The following MYOM1 variants were observed in gnomAD, a reference collection of about 807,000 sequenced individuals.
MYOM1 encodes myomesin 1, also known as myomesin-1.
MYOM1 carries 164 observed loss-of-function variants against 205.3 expected under a neutral mutation model. The ratio of observed to expected loss-of-function variants is 0.80; its 90% CI spans 0.70 to 0.91. The LOEUF is 0.91. MYOM1 is among the 40% of genes least tolerant of loss of function. MYOM1 has a pLI of 0.00. For missense variants in MYOM1, 2,011 were observed against 2,127.3 expected (o/e 0.95, Z 1.08); for synonymous variants, 772 against 789.4 (o/e 0.98, Z 0.37).
chr18:3,072,701 G>GT (rs556150550), intron 36 of MYOM1, among the ~76,000 whole-genome samples: 2,903 of 145,934 alleles, frequency 0.02, 90 homozygotes, highest in African/African-American at 0.072. Context: ...TGTGTGTGTG[G>GT]GGGGCGGTGG....
intron 11 of MYOM1, among the ~76,000 whole-genome samples, chr18:3,154,604 G>A (rs1479079552): frequency 7.6e-6 from 1 of 130,762 alleles, no homozygotes; most frequent in Non-Finnish European, 1.6e-5. Flanking sequence ...GCGTTTCTAA[G>A]TACCTACTCA....
Position 3,128,851 on chromosome 18 carries a change from C to T in MYOM1, c.2794+381G>A, listed in dbSNP as rs186430431. ...ACCTTCTTTGTGAGATCTTTCTCCT[C>T]TACATGTTCCAAACATGACTATTTC... On this transcript the variant is annotated intron_variant, in intron 18 of 37. Transcript: ENST00000356443. Among the ~76,000 whole-genome samples the T allele has an allele frequency of 5.3e-5, 8 of 152,288 alleles. No homozygotes were observed. The East Asian group carries it at 1.4e-3, about 26-fold the overall frequency.
At chr18:3,095,683 T>C (rs2079294436) in intron 25 of MYOM1, among the ~76,000 whole-genome samples, 1 of 152,196 alleles carries the variant, frequency 6.6e-6, no homozygotes, top group Non-Finnish European at 1.5e-5. Context: ...TTTACTGGTC[T>C]CTTTACAAAA....
chr18:3,090,338 G>A (rs1339647097), intron 27 of MYOM1, among the ~76,000 whole-genome samples: 2 of 150,102 alleles, frequency 1.3e-5, no homozygotes, highest in Non-Finnish European at 2.9e-5. Context: ...TCATGCCTCA[G>A]CCTCCCAAGT....
intron 25 of MYOM1, 55 bp downstream of exon 25, chr18:3,100,104 A>C: frequency 6.4e-7 from 1 of 1,565,014 alleles, no homozygotes; most frequent in Non-Finnish European, 8.8e-7. Context: ...TCTATTCCAG[A>C]AGTTGCTGCC....
intron 22 of MYOM1, among the ~76,000 whole-genome samples, chr18:3,104,745 C>CTTTTTTTT (rs745369627): frequency 1.5e-4 from 12 of 80,596 alleles, no homozygotes; most frequent in East Asian, 4.4e-4. Context: ...GAATTGGAAT[C>CTTTTTTTT]TTTTTTTTTT....
At chr18:3,108,757 T>A (rs7243629) in intron 22 of MYOM1, among the ~76,000 whole-genome samples, 11,581 of 152,104 alleles carry the variant, frequency 0.076, 501 homozygotes, top group African/African-American at 0.098. Flanking sequence ...GCCAGGCTGA[T>A]CTCGAACTCC....
chr18:3,224,661 C>CATT (rs151301855), upstream of MYOM1, among the ~76,000 whole-genome samples: 10,968 of 151,968 alleles, frequency 0.072, 401 homozygotes, highest in Admixed American at 0.092. Flanking sequence ...ATGGAATTAT[C>CATT]ATTATTATTA....
the MYOM1 span, among the ~76,000 whole-genome samples, chr18:3,239,287 G>A: frequency 1.2e-4 from 18 of 152,320 alleles, no homozygotes; most frequent in African/African-American, 4.1e-4. Flanking sequence ...CAGGAGAGGA[G>A]GGGGAGGACA....
At chr18:3,187,133 T>C (rs995608983) in intron 5 of MYOM1, among the ~76,000 whole-genome samples, 11 of 152,196 alleles carry the variant, frequency 7.2e-5, no homozygotes, top group African/African-American at 2.4e-4. Context: ...AGTTCATTGC[T>C]GGAAGCTGAT....
intron 22 of MYOM1, among the ~76,000 whole-genome samples, chr18:3,108,592 G>A (rs1174826848): frequency 6.6e-6 from 1 of 151,168 alleles, no homozygotes. Context: ...CACCCAGGCT[G>A]GAGTGCAGTG....
chr18:3,072,370 T>TTTTTTTTTTTTTTTTTTTTTTTTTG, intron 36 of MYOM1, among the ~76,000 whole-genome samples: 1 of 115,940 alleles, frequency 8.6e-6, no homozygotes. Context: ...TTTTTTTTTT[T>TTTTTTTTTTTTTTTTTTTTTTTTTG]TGAGGCAGAG....
chr18:3,079,395 C>A, intron 33 of MYOM1, 53 bp from the exon 34 acceptor site: 1 of 1,523,138 alleles, frequency 6.6e-7, no homozygotes, highest in Non-Finnish European at 8.8e-7. Context: ...CAGGGCTGAT[C>A]TTTACTTTGT....
At chr18:3,100,642 G>A (rs565144055) in intron 23 of MYOM1, among the ~76,000 whole-genome samples, 7 of 152,226 alleles carry the variant, frequency 4.6e-5, no homozygotes, top group East Asian at 1.9e-4. Flanking sequence ...TGATGGTGAC[G>A]GGAGAGTGGA....
chr18:3,240,204 G>A, the MYOM1 span, among the ~76,000 whole-genome samples: 2 of 152,032 alleles, frequency 1.3e-5, no homozygotes, highest in Non-Finnish European at 2.9e-5. Flanking sequence ...ACTATGTTAG[G>A]CTATATACTT....
the MYOM1 span, among the ~76,000 whole-genome samples, chr18:3,230,771 C>T: frequency 4.6e-5 from 7 of 152,272 alleles, no homozygotes; most frequent in African/African-American, 9.6e-5. Flanking sequence ...TTACTTGGGC[C>T]GCTCCCACCA....
intron 4 of MYOM1, among the ~76,000 whole-genome samples, chr18:3,187,843 T>C (rs573697568): frequency 5.3e-4 from 80 of 151,800 alleles, no homozygotes; most frequent in African/African-American, 1.9e-3. Context: ...AAGCAACATC[T>C]TTGATTTCTT....
At chr18:3,109,213 C>G (rs1388651625) in intron 22 of MYOM1, among the ~76,000 whole-genome samples, 1 of 151,378 alleles carries the variant, frequency 6.6e-6, no homozygotes, top group African/African-American at 2.4e-5. Flanking sequence ...GAACCCCTGA[C>G]CTCAGGTAAT....
the MYOM1 span, among the ~76,000 whole-genome samples, chr18:3,241,897 T>C: frequency 1.5e-4 from 23 of 152,302 alleles, no homozygotes; most frequent in South Asian, 4.8e-3. Flanking sequence ...TTTTGGAGCT[T>C]TAAGATTTGA....
Sources: allele counts gnomAD v4.1 joint callset (sites outside exome capture counted in the v4.1 genomes callset), GRCh38; gene constraint gnomAD v4.1.1; transcripts MANE v1.5; gene names NCBI Gene and HGNC (gene_info 2026-07-23, HGNC 2026-07-21).